The following LARS1 variants were observed in gnomAD, a reference collection of about 807,000 sequenced individuals.
LARS1 encodes leucyl-tRNA synthetase 1.
In LARS1, 100 loss-of-function variants were observed where a neutral mutation model predicts 162.8. The observed-to-expected ratio is 0.61, with a 90% CI of 0.52 to 0.73. The LOEUF is 0.73. LARS1 is among the 30% of genes least tolerant of loss of function. The pLI is 0.00. For synonymous variants in LARS1, 457 were observed against 462.8 expected (o/e 0.99, Z 0.16); for missense variants, 1,258 against 1,408.9 (o/e 0.89, Z 1.71).
At chr5:146,180,234 C>CA (rs1475005708) in intron 1 of LARS1, among the ~76,000 whole-genome samples, 4 of 151,898 alleles carry the variant, frequency 2.6e-5, no homozygotes, top group African/African-American at 9.7e-5. Flanking sequence ...GTCCCTGTCT[C>CA]AAAAAATAAA....
intron 10 of LARS1, among the ~76,000 whole-genome samples, chr5:146,155,639 T>C (rs79728931): frequency 0.02 from 3,028 of 152,334 alleles, 106 homozygotes; most frequent in African/African-American, 0.07. Flanking sequence ...TATTCATATA[T>C]GTACTTATAA....
intron 1 of LARS1, among the ~76,000 whole-genome samples, chr5:146,181,937 T>C (rs1303293468): frequency 6.9e-6 from 1 of 144,112 alleles, no homozygotes; most frequent in East Asian, 2.1e-4. Flanking sequence ...TATTTGTTTG[T>C]TTATTTATTT....
chr5:146,135,551 A>G (rs888983040), intron 22 of LARS1, 50 bp downstream of exon 22: 1 of 1,325,648 alleles, frequency 7.5e-7, no homozygotes, highest in South Asian at 1.3e-5. Context: ...GTCTTCTATA[A>G]TCTGAGAACT....
rs763101714 is a variant in LARS1 at position 146,135,638 on chromosome 5, G to A, written c.2175C>T (p.Leu725=). The change falls in exon 22 of 32, where the codon CTC becomes CTT. Residue 725 remains leucine, a synonymous_variant. Coordinates refer to ENST00000394434, the MANE Select transcript of LARS1 (RefSeq NM_020117.11). Reference sequence around the variant, plus strand: ...ATTTGTCAATAGCTTGGGTCAAAGTGAGGAAGTTGCCTGTGGATTTTGACA... The same window carrying A: ...ATTTGTCAATAGCTTGGGTCAAAGTAAGGAAGTTGCCTGTGGATTTTGACA... ...EKMSKSTGNF[L]TLTQAIDKFS... is the part of the protein sequence containing the mutation. 1.2e-6 allele frequency: 2 copies of A among 1,600,414 alleles called. No homozygotes were observed. The highest frequency in any genetic ancestry group is 8.5e-7 in the Non-Finnish European group (1 of 1,176,142).
At chr5:146,178,330 C>T (rs756169147) in intron 1 of LARS1, among the ~76,000 whole-genome samples, 2 of 151,580 alleles carry the variant, frequency 1.3e-5, no homozygotes, top group Non-Finnish European at 2.9e-5. Flanking sequence ...TTAAATAAAA[C>T]AGGCTGGACA....
rs1753304414 is a variant in LARS1 at position 146,151,870 on chromosome 5, A to T, written c.1417T>A (p.Tyr473Asn). 6.2e-7 allele frequency: 1 copy of T among 1,613,528 alleles called. No individual in the cohort carries two copies. The highest frequency in any genetic ancestry group is 1.3e-5 in the African/African-American group (1 of 75,054). Residue 473 changes from tyrosine (Y) to asparagine (N), a missense_variant, in exon 14 of 32, where the codon TAT becomes AAT. Coordinates refer to ENST00000394434, the MANE Select transcript of LARS1 (RefSeq NM_020117.11). ...AAAAAATTATTACTTACACCCTCAT[A>T]AAATCCTTTTAGATATATCTTCTCC... ...AKEKIYLKGF[Y>N]EGIMLVDGFK...
chr5:146,157,752 A>C lies in LARS1; in HGVS notation c.815T>G (p.Leu272Arg), dbSNP rs139376916. Residue 272 changes from leucine (L) to arginine (R), a missense_variant, in exon 9 of 32, where the codon CTT becomes CGT. Physicochemically the swap from Leu to Arg is moderately radical, Grantham distance 102 (BLOSUM62 -2). Transcript: ENST00000394434. ...QEYTLLKLKV[L>R]EPYPSKLSGL... ...CCTTAATTTAGATGGGTATGGCTCA[A>C]GCACCTTCAATTTGAGTAAAGTATA... 1.4e-4 allele frequency: 229 copies of C among 1,614,086 alleles called. No homozygotes were observed. Among genetic ancestry groups the C allele is most frequent in the Non-Finnish European group, 1.8e-4 (218 of 1,180,026 alleles).
intron 2 of LARS1, among the ~76,000 whole-genome samples, chr5:146,176,410 C>CCACTG (rs1383874513): frequency 8.8e-5 from 13 of 148,434 alleles, no homozygotes; most frequent in African/African-American, 2.7e-4. Context: ...CGAGATGGCG[C>CCACTG]CACTGCACTC....
intron 15 of LARS1, among the ~76,000 whole-genome samples, chr5:146,145,636 A>T (rs968899688): frequency 1.3e-5 from 2 of 152,216 alleles, no homozygotes; most frequent in African/African-American, 4.8e-5. Flanking sequence ...TAATGCTATG[A>T]TGATCCTAAA....
chr5:146,150,621 C>A (rs751828679), intron 14 of LARS1, among the ~76,000 whole-genome samples: 6 of 88,278 alleles, frequency 6.8e-5, no homozygotes, highest in Admixed American at 1.5e-4. Flanking sequence ...AGCAAGACTC[C>A]GTCTCAAAAA....
intron 31 of LARS1, among the ~76,000 whole-genome samples, chr5:146,118,131 C>T (rs1751653286): frequency 6.6e-6 from 1 of 151,914 alleles, no homozygotes; most frequent in South Asian, 2.1e-4. Flanking sequence ...TGTCCATCAA[C>T]GGATGAATGA....
chr5:146,164,409 G>A lies in LARS1; in HGVS notation c.495C>T (p.Gly165=), dbSNP rs3763373. The A allele has an allele frequency of 0.27, 442,738 of 1,613,026 alleles. 64,872 individuals carry two copies. The highest frequency in any genetic ancestry group is 0.42 in the Admixed American group (24,983 of 59,984). The change falls in exon 6 of 32, where the codon GGC becomes GGT. Residue 165 remains glycine (G), a synonymous_variant. Coordinates refer to ENST00000394434, the MANE Select transcript of LARS1 (RefSeq NM_020117.11). ...ATTTTACTATCTCTTCATCAGACAG[G>A]CCAAGGGATTTCATAATGCCCCACT... ...KYQWGIMKSL[G]LSDEEIVKFS...
chr5:146,122,388 G>T, intron 30 of LARS1, 104 bp downstream of exon 30: 1 of 636,030 alleles, frequency 1.6e-6, no homozygotes, highest in Admixed American at 2.7e-5. Context: ...AATTTCTCTG[G>T]ACCTTACTTT....
At chr5:146,145,058 T>TG (rs1561813320) in intron 15 of LARS1, among the ~76,000 whole-genome samples, 1 of 152,076 alleles carries the variant, frequency 6.6e-6, no homozygotes, top group Non-Finnish European at 1.5e-5. Context: ...GACAGTTTTT[T>TG]GGGGTTTTAT....
At position 146,120,594 on chromosome 5, in the gene LARS1, A is replaced by G. The variant is rs11167931; in HGVS notation, c.3193-91T>C. 331,969 of 1,236,866 alleles carry G rather than the reference A, an allele frequency of 0.27. 48,176 individuals carry two copies. Among genetic ancestry groups the G allele is most frequent in the Admixed American group, 0.38 (16,637 of 43,774 alleles). The allele number at this position is 1,236,866 out of a possible 1,614,324, so 76.6% of individuals were successfully genotyped here. On this transcript the variant is annotated intron_variant, in intron 30 of 31. Coordinates refer to ENST00000394434, the MANE Select transcript of LARS1 (RefSeq NM_020117.11). Reference sequence around the variant, plus strand: ...ACGTTTTCAATGCCCAATGAAAGACAGATCTAATTCTGGTATTTTAAAATC... The same window carrying G: ...ACGTTTTCAATGCCCAATGAAAGACGGATCTAATTCTGGTATTTTAAAATC...
intron 10 of LARS1, among the ~76,000 whole-genome samples, chr5:146,155,697 T>C (rs1753494382): frequency 6.6e-6 from 1 of 152,238 alleles, no homozygotes; most frequent in South Asian, 2.1e-4. Flanking sequence ...CTAAATATTA[T>C]AACCATTTTA....
intron 25 of LARS1, 63 bp from the exon 26 acceptor site, chr5:146,129,181 T>C: frequency 7.2e-7 from 1 of 1,381,520 alleles, no homozygotes. Flanking sequence ...TATTTTACGG[T>C]TCTTGATTAT....
At chr5:146,123,060 A>G (rs928220055) in intron 29 of LARS1, among the ~76,000 whole-genome samples, 2 of 152,066 alleles carry the variant, frequency 1.3e-5, no homozygotes, top group African/African-American at 4.8e-5. Context: ...TTTTTGACCT[A>G]CATGAATATA....
At chr5:146,155,415 T>C (rs1020318884) in intron 10 of LARS1, among the ~76,000 whole-genome samples, 1 of 152,180 alleles carries the variant, frequency 6.6e-6, no homozygotes, top group Non-Finnish European at 1.5e-5. Flanking sequence ...TTTAACAAAA[T>C]ATGTTACAAG....
Sources: allele counts gnomAD v4.1 joint callset (sites outside exome capture counted in the v4.1 genomes callset), GRCh38; gene constraint gnomAD v4.1.1; transcripts MANE v1.5; gene names NCBI Gene and HGNC (gene_info 2026-07-23, HGNC 2026-07-21).